TBC1D5: variants seen among roughly 807,000 people sequenced by gnomAD.
TBC1D5 encodes the protein TBC1 domain family member 5.
Under a neutral mutation model 100.3 loss-of-function variants are expected in TBC1D5, and 75 were observed. The ratio of observed to expected loss-of-function variants is 0.75; its 90% confidence interval spans 0.62 to 0.91. TBC1D5 has a LOEUF of 0.91. TBC1D5 is among the 40% of genes least tolerant of loss of function. The pLI is 0.00. For synonymous variants in TBC1D5, 323 were observed against 325.6 expected (o/e 0.99, Z 0.09); for missense variants, 910 against 942.4 (o/e 0.97, Z 0.45).
At chr3:17,373,362 G>A (rs920381333) in intron 12 of TBC1D5, among the ~76,000 whole-genome samples, 3 of 152,054 alleles carry the variant, frequency 2.0e-5, no homozygotes, top group Admixed American at 6.5e-5. Context: ...AAGCCATACT[G>A]GAAACAATAT....
At chr3:17,529,987 T>C (rs1008162974) in intron 2 of TBC1D5, among the ~76,000 whole-genome samples, 3 of 152,188 alleles carry the variant, frequency 2.0e-5, no homozygotes, top group Non-Finnish European at 4.4e-5. Context: ...CTCACACCTG[T>C]AATCCCAGCA....
intron 2 of TBC1D5, among the ~76,000 whole-genome samples, chr3:17,616,435 G>C (rs2062157106): frequency 6.6e-6 from 1 of 151,786 alleles, no homozygotes; most frequent in Non-Finnish European, 1.5e-5. Flanking sequence ...TCTAGTCCTG[G>C]ATATCTTTGT....
chr3:17,366,310 AAAC>A (rs1485753828), intron 13 of TBC1D5, among the ~76,000 whole-genome samples: 4 of 152,082 alleles, frequency 2.6e-5, no homozygotes, highest in Admixed American at 2.0e-4. Flanking sequence ...AAACAAAAAA[AAAC>A]AAAAAAACAA....
intron 3 of TBC1D5, among the ~76,000 whole-genome samples, chr3:17,460,284 T>C (rs955248217): frequency 9.2e-5 from 14 of 152,154 alleles, no homozygotes; most frequent in Non-Finnish European, 1.6e-4. Flanking sequence ...AATGCCAAAT[T>C]AGAGAGGGTC....
intron 3 of TBC1D5, among the ~76,000 whole-genome samples, chr3:17,498,859 CA>C (rs1378083600): frequency 1.3e-5 from 2 of 151,604 alleles, no homozygotes; most frequent in African/African-American, 2.4e-5. Context: ...AGAATTTTAC[CA>C]AAATATATCA....
intron 13 of TBC1D5, among the ~76,000 whole-genome samples, chr3:17,330,301 T>G (rs35303219): frequency 5.8e-4 from 89 of 152,242 alleles, no homozygotes; most frequent in Non-Finnish European, 7.6e-4. Context: ...AGGCTAACTG[T>G]CCTTGGCACC....
intron 13 of TBC1D5, among the ~76,000 whole-genome samples, chr3:17,322,784 T>C (rs895213771): frequency 6.6e-5 from 10 of 152,032 alleles, no homozygotes; most frequent in Admixed American, 2.0e-4. Context: ...AAAGAAGAAA[T>C]AACAGAAAAC....
intron 2 of TBC1D5, among the ~76,000 whole-genome samples, chr3:17,576,248 G>A (rs146354085): frequency 6.6e-6 from 1 of 151,998 alleles, no homozygotes; most frequent in African/African-American, 2.4e-5. Context: ...AAATGATGGG[G>A]GTTGAGAGGT....
At chr3:17,509,933 C>T (rs1264698632) in intron 2 of TBC1D5, among the ~76,000 whole-genome samples, 4 of 152,060 alleles carry the variant, frequency 2.6e-5, no homozygotes, top group Admixed American at 1.3e-4. Flanking sequence ...TTTTCAACTT[C>T]CAACCTACAC....
At chr3:17,738,382 T>TACAC (rs532604198) in intron 1 of TBC1D5, among the ~76,000 whole-genome samples, 9 of 150,606 alleles carry the variant, frequency 6.0e-5, no homozygotes, top group Non-Finnish European at 8.9e-5. Context: ...CACTCACACA[T>TACAC]ACACACACAC....
chr3:17,162,207 A>G (rs2066130620), intron 21 of TBC1D5, among the ~76,000 whole-genome samples: 1 of 152,164 alleles, frequency 6.6e-6, no homozygotes, highest in Non-Finnish European at 1.5e-5. Context: ...TCCCCACAGC[A>G]TGGGTGGAGT....
At chr3:17,528,509 A>AT (rs1194591791) in intron 2 of TBC1D5, among the ~76,000 whole-genome samples, 1 of 152,152 alleles carries the variant, frequency 6.6e-6, no homozygotes, top group Non-Finnish European at 1.5e-5. Flanking sequence ...TGAAAAATAA[A>AT]TCTCTGTTCC....
At chr3:17,562,149 A>C (rs1473088319) in intron 2 of TBC1D5, 2 of 152,122 alleles carry the variant, frequency 1.3e-5, no homozygotes, top group Non-Finnish European at 2.9e-5. Flanking sequence ...ATCTCTAAAA[A>C]AAATTTAATT....
At chr3:17,670,005 C>G (rs1237935249) in intron 1 of TBC1D5, among the ~76,000 whole-genome samples, 4 of 152,188 alleles carry the variant, frequency 2.6e-5, no homozygotes, top group Non-Finnish European at 5.9e-5. Flanking sequence ...CCTGCCTCAG[C>G]CTCCCAAATA....
rs115444781 is a variant in TBC1D5, at chr3:17,263,849, G to T, written c.1246-5258C>A. 2.8e-4 allele frequency among the ~76,000 whole-genome samples: 42 copies of T among 152,220 alleles called. No individual in the cohort carries two copies. In the East Asian group the frequency reaches 7.1e-3, roughly 26 times the overall value. ...GTTAATTTAGCATCATCACAAAATCGACTTACAATAATGCTTAAATAACAG... is the reference window on the plus strand; with the variant it reads ...GTTAATTTAGCATCATCACAAAATCTACTTACAATAATGCTTAAATAACAG... On this transcript the variant is annotated intron_variant, in intron 15 of 21. Coordinates refer to ENST00000253692, the Ensembl canonical transcript of TBC1D5.
chr3:17,370,342 G>T (rs1188559168), intron 13 of TBC1D5, among the ~76,000 whole-genome samples: 2 of 152,170 alleles, frequency 1.3e-5, no homozygotes, highest in African/African-American at 2.4e-5. Flanking sequence ...TTTTGAGGGT[G>T]TAAAATGTGC....
intron 19 of TBC1D5, among the ~76,000 whole-genome samples, chr3:17,170,613 C>G (rs1032326474): frequency 1.3e-5 from 2 of 152,060 alleles, no homozygotes; most frequent in Non-Finnish European, 2.9e-5. Context: ...GGCCCATGGC[C>G]AGGAGGAACA....
At chr3:17,474,757 T>C (rs1050664614) in intron 3 of TBC1D5, among the ~76,000 whole-genome samples, 5 of 152,076 alleles carry the variant, frequency 3.3e-5, no homozygotes, top group Non-Finnish European at 2.9e-5. Flanking sequence ...AGAGAAAAAT[T>C]AAACTGAATG....
chr3:17,622,812 C>A (rs1420862333), intron 2 of TBC1D5: 1 of 152,130 alleles, frequency 6.6e-6, no homozygotes, highest in Non-Finnish European at 1.5e-5. Context: ...GTTTACTACA[C>A]TATGACTGGC....
Sources: allele counts gnomAD v4.1 joint callset (sites outside exome capture counted in the v4.1 genomes callset), GRCh38; gene constraint gnomAD v4.1.1; transcripts MANE v1.5; gene names NCBI Gene and HGNC (gene_info 2026-07-23, HGNC 2026-07-21).